Variants in FRK observed in about 807,000 individuals in gnomAD.
FRK encodes fyn related Src family tyrosine kinase, also known as tyrosine-protein kinase FRK.
A neutral mutation model predicts 56.4 loss-of-function variants in FRK; 51 were observed. That is an observed-to-expected ratio of 0.90 (90% CI 0.72 to 1.14). FRK has a LOEUF of 1.14. FRK is among the 50% of genes most tolerant of loss of function. The pLI, the probability that FRK is intolerant of heterozygous loss-of-function variation, is 0.00. For missense variants in FRK, 570 were observed against 601.4 expected, an observed-to-expected ratio of 0.95 and a Z score of 0.55; for synonymous variants, 245 against 217.9, an observed-to-expected ratio of 1.12 and a Z score of -1.10.
chr6:115,935,173 A>T lies in FRK; in HGVS notation c.*7241T>A, dbSNP rs1328512850. On this transcript the variant is annotated 3_prime_UTR_variant, in exon 8 of 8. Coordinates refer to ENST00000606080, the MANE Select transcript of FRK (RefSeq NM_002031.3). ...AGTTCATATCAGTGGGACTGGTTGG[A>T]CAGTGGGTGCAGCCCATGGAGGGCC... is the stretch of plus-strand genomic sequence containing the variant. 6.6e-6 allele frequency: 1 copy of T among 152,386 alleles called. No individual in the cohort carries two copies. The highest frequency in any genetic ancestry group is 2.4e-5 in the African/African-American group (1 of 41,464). The allele number at this position is 152,386 out of a possible 1,614,324, so 9.4% of individuals were successfully genotyped here.
At chr6:116,066,744 T>A in the FRK span, among the ~76,000 whole-genome samples, 1 of 152,194 alleles carries the variant, frequency 6.6e-6, no homozygotes, top group South Asian at 2.1e-4. Flanking sequence ...CAAGCCCTTT[T>A]TTCTGACCAT....
At chr6:116,062,462 G>GAAAAAAAAAA (rs550646718), upstream of FRK, among the ~76,000 whole-genome samples, 1 of 119,214 alleles carries the variant, frequency 8.4e-6, no homozygotes, top group African/African-American at 3.0e-5. Flanking sequence ...ATCTAAAAAT[G>GAAAAAAAAAA]AAAAAAAAAA....
chr6:116,069,109 C>G, the FRK span, among the ~76,000 whole-genome samples: 1 of 152,176 alleles, frequency 6.6e-6, no homozygotes, highest in African/African-American at 2.4e-5. Context: ...ATTCATCAAT[C>G]AAGATTCACA....
chr6:116,001,238 A>G (rs750568698), intron 2 of FRK, among the ~76,000 whole-genome samples: 2 of 145,270 alleles, frequency 1.4e-5, no homozygotes, highest in Admixed American at 1.4e-4. Context: ...ACTCTGTCTG[A>G]AAAAAAAAAA....
At chr6:116,098,328 C>G in the FRK span, among the ~76,000 whole-genome samples, 1 of 151,916 alleles carries the variant, frequency 6.6e-6, no homozygotes, top group Non-Finnish European at 1.5e-5. Flanking sequence ...CCAAGCTGGT[C>G]TTGAACTCCT....
intron 1 of FRK, among the ~76,000 whole-genome samples, chr6:116,012,967 C>A (rs919641067): frequency 4.6e-5 from 7 of 152,142 alleles, no homozygotes; most frequent in Non-Finnish European, 1.0e-4. Flanking sequence ...GGGCTGTACA[C>A]ATGTAAAAAA....
rs1279132273 is a variant in FRK, at chr6:115,944,257, G to A, written c.1127C>T (p.Ala376Val). 1 of 1,604,646 alleles carries A rather than the reference G, an allele frequency of 6.2e-7. No homozygotes were observed. Among genetic ancestry groups the A allele is most frequent in the Non-Finnish European group, 8.5e-7 (1 of 1,177,656 alleles). ...AACTAAATCCACCTTAAAAACTCTG[G>A]CAAGTCCAAAATCTGCTACTTTGTA... ...NIYKVADFGL[A>V]RVFKVDNEDI... The change falls in exon 6 of 8, where the codon GCC becomes GTC. Residue 376 changes from alanine to valine, a missense_variant. Transcript: ENST00000606080.
rs1776633106 is a variant in FRK, at chr6:116,039,576, CAT to C, written c.344+20390_344+20391del. On this transcript the variant is annotated intron_variant, in intron 1 of 7. Transcript: ENST00000606080. ...GCCCAGTAACTGCCCCTCCCCTGCACATGTTTCTGATGGTGTCATCTGCCCCC... is the reference window on the plus strand; with the variant it reads ...GCCCAGTAACTGCCCCTCCCCTGCACGTTTCTGATGGTGTCATCTGCCCCC... 1.2e-5 allele frequency: 10 copies of C among 827,402 alleles called. No homozygotes were observed. In the East Asian group the frequency reaches 2.2e-4, roughly 18 times the overall value. The allele number at this position is 827,402 out of a possible 1,614,324, so 51.3% of individuals were successfully genotyped here. A position where few individuals can be genotyped will look rare whatever the true frequency, so the allele number is the denominator to read the frequency against.
intron 1 of FRK, among the ~76,000 whole-genome samples, chr6:116,024,630 G>A (rs1210082526): frequency 2.6e-5 from 4 of 152,002 alleles, no homozygotes; most frequent in African/African-American, 9.7e-5. Flanking sequence ...ATTCCATGGT[G>A]TATATGTGCC....
At position 115,935,143 on chromosome 6, in the gene FRK, T is replaced by C. The variant is rs1357233322; in HGVS notation, c.*7271A>G. The C allele has an allele frequency of 6.6e-6, 1 of 152,320 alleles. No individual in the cohort carries two copies. The highest frequency in any genetic ancestry group is 1.5e-5 in the Non-Finnish European group (1 of 68,142). The allele number at this position is 152,320 out of a possible 1,614,324, so 9.4% of individuals were successfully genotyped here. ...GTGATTTCTGCATTTCCAACTGAGGTACCCAGTTCATATCAGTGGGACTGG... is the reference window on the plus strand; with the variant it reads ...GTGATTTCTGCATTTCCAACTGAGGCACCCAGTTCATATCAGTGGGACTGG... On this transcript the variant is annotated 3_prime_UTR_variant, in exon 8 of 8. Transcript: ENST00000606080.
rs116959458 is a variant in FRK at position 116,020,670 on chromosome 6, A to G, written c.345-16672T>C. ...AGAGAGCTACCTCTCCAAATTACAT[A>G]TTCTATAGGCTCTCTAGATTCACCT... is the stretch of plus-strand genomic sequence containing the variant. On this transcript the variant is annotated intron_variant, in intron 1 of 7. Coordinates refer to ENST00000606080, the MANE Select transcript of FRK (RefSeq NM_002031.3). 1.2e-4 allele frequency among the ~76,000 whole-genome samples: 18 copies of G among 152,298 alleles called. No individual in the cohort carries two copies. In the East Asian group the frequency reaches 1.3e-3, roughly 11 times the overall value.
intron 1 of FRK, chr6:116,038,906 G>A (rs2114781722): frequency 1.7e-6 from 1 of 606,044 alleles, no homozygotes; most frequent in East Asian, 4.1e-5. Flanking sequence ...TACCGACTTT[G>A]CCCCAGAAGC....
chr6:116,034,038 T>C (rs1776385118), intron 1 of FRK, among the ~76,000 whole-genome samples: 1 of 151,976 alleles, frequency 6.6e-6, no homozygotes, highest in African/African-American at 2.4e-5. Context: ...CCTGAGCAAA[T>C]GGAGGATATT....
At chr6:116,036,608 T>C (rs1460099030) in intron 1 of FRK, among the ~76,000 whole-genome samples, 1 of 152,116 alleles carries the variant, frequency 6.6e-6, no homozygotes, top group Non-Finnish European at 1.5e-5. Context: ...ATCCCAAAAC[T>C]GTTGAGCAAA....
the FRK span, among the ~76,000 whole-genome samples, chr6:116,099,240 CA>C: frequency 1.2e-4 from 19 of 152,038 alleles, no homozygotes; most frequent in Non-Finnish European, 2.5e-4. Context: ...GCTAAGTCAA[CA>C]AAAAACAATC....
intron 4 of FRK, among the ~76,000 whole-genome samples, chr6:115,960,179 T>A: frequency 6.6e-6 from 1 of 150,810 alleles, no homozygotes; most frequent in South Asian, 2.1e-4. Flanking sequence ...CGCAGGCCAG[T>A]GTGTGCGCGC....
intron 4 of FRK, among the ~76,000 whole-genome samples, chr6:115,966,582 T>C (rs2114597243): frequency 6.6e-6 from 1 of 152,240 alleles, no homozygotes; most frequent in African/African-American, 2.4e-5. Flanking sequence ...ACCAGGAGGT[T>C]TACCAAACCT....
chr6:115,956,351 G>T, intron 5 of FRK, 101 bp downstream of exon 5: 1 of 781,180 alleles, frequency 1.3e-6, no homozygotes, highest in South Asian at 2.9e-5. Flanking sequence ...CATACACATA[G>T]TAAATATCCT....
intron 5 of FRK, among the ~76,000 whole-genome samples, chr6:115,949,981 G>T (rs1243050357): frequency 6.6e-6 from 1 of 152,198 alleles, no homozygotes; most frequent in Admixed American, 6.5e-5. Context: ...CTAGCCATAT[G>T]CAGAAAACTG....
Sources: gnomAD v4.1 joint callset for allele counts (sites outside exome capture counted in the v4.1 genomes callset) on GRCh38, gnomAD v4.1.1 for gene constraint, MANE v1.5 for transcripts, NCBI Gene and HGNC (gene_info 2026-07-23, HGNC 2026-07-21) for gene names.